The following NAV1 variants were observed in gnomAD, a reference collection of about 807,000 sequenced individuals.
NAV1 encodes the protein pore membrane and/or filament interacting like protein 3.
A neutral mutation model predicts 175.2 loss-of-function variants in NAV1; 18 were observed. The observed-to-expected ratio is 0.10, with a 90% CI of 0.07 to 0.15. The LOEUF (loss-of-function observed/expected upper bound fraction) is 0.15. Ranked by LOEUF, NAV1 falls within the 10% of genes least tolerant of loss-of-function variation. NAV1 has a pLI of 1.00. For synonymous variants in NAV1, 897 were observed against 978.7 expected (o/e 0.92, Z 1.56); for missense variants, 1,731 against 2,436.6 (o/e 0.71, Z 6.10).
chr1:201,564,920 C>A (rs1490478624), intron 1 of NAV1, among the ~76,000 whole-genome samples: 3 of 152,226 alleles, frequency 2.0e-5, no homozygotes, highest in Non-Finnish European at 4.4e-5. Flanking sequence ...ATGCTGCCAT[C>A]TCGCTGCTTC....
exon 30 of NAV1, chr1:201,826,225 A>AC: frequency 6.6e-6 from 1 of 151,878 alleles, no homozygotes; most frequent in South Asian, 2.1e-4. Flanking sequence ...CACTAAGATC[A>AC]CCTCCTCAGT....
rs1007117113 is a variant in NAV1 at position 201,750,425 on chromosome 1, C to T, written c.1227-29996C>T. Among the ~76,000 whole-genome samples the T allele has an allele frequency of 6.6e-6, 1 of 152,038 alleles. No individual in the cohort carries two copies. Among genetic ancestry groups the T allele is most frequent in the African/African-American group, 2.4e-5 (1 of 41,384 alleles). ...GCAGGTGGACTTGGTGACTCTGCCTCCCTTTCAAACAGAGCAGCCCTGTGT... is the reference window on the plus strand; with the variant it reads ...GCAGGTGGACTTGGTGACTCTGCCTTCCTTTCAAACAGAGCAGCCCTGTGT... On this transcript the variant is annotated intron_variant, in intron 3 of 29. Transcript: ENST00000367296. The surrounding 1 kb of genome is among the most constrained non-coding windows in gnomAD (Gnocchi z 4.1).
At chr1:201,739,878 G>A (rs553801653) in intron 3 of NAV1, 3 of 1,286,542 alleles carry the variant, frequency 2.3e-6, no homozygotes, top group African/African-American at 1.5e-5. Context: ...GGAGAAAAGG[G>A]AGCGGAGGGC....
intron 8 of NAV1, among the ~76,000 whole-genome samples, chr1:201,785,717 G>C (rs927472638): frequency 2.0e-5 from 3 of 151,858 alleles, no homozygotes; most frequent in Non-Finnish European, 4.4e-5. Context: ...GCTGGGCTAG[G>C]GGCAGGACCT....
chr1:201,666,246 C>T (rs1669818897), intron 1 of NAV1, among the ~76,000 whole-genome samples: 1 of 152,086 alleles, frequency 6.6e-6, no homozygotes, highest in Non-Finnish European at 1.5e-5. Context: ...CTTCTTGGCT[C>T]CCATATGTTC....
intron 3 of NAV1, among the ~76,000 whole-genome samples, chr1:201,732,941 C>T (rs145296464): frequency 0.011 from 1,639 of 151,964 alleles, 49 homozygotes; most frequent in East Asian, 0.11. Flanking sequence ...CATGGTGGCG[C>T]GTGCCTGTAA....
intron 1 of NAV1, among the ~76,000 whole-genome samples, chr1:201,703,378 A>C (rs1159468598): frequency 6.6e-6 from 1 of 152,200 alleles, no homozygotes; most frequent in Admixed American, 6.5e-5. Flanking sequence ...AGAAGACAGA[A>C]TATGTTCGAG....
chr1:201,793,741 C>T (rs771956603), intron 13 of NAV1, 51 bp from the exon 18 acceptor site: 15 of 1,535,990 alleles, frequency 9.8e-6, no homozygotes, highest in Middle Eastern at 3.4e-4. Flanking sequence ...CAGTTATTGC[C>T]TTTCCCCCAG....
At chr1:201,754,086 T>A (rs1167006573) in intron 3 of NAV1, among the ~76,000 whole-genome samples, 5 of 152,152 alleles carry the variant, frequency 3.3e-5, no homozygotes, top group Admixed American at 2.0e-4. Context: ...GACCCTAAGA[T>A]TCTCTAATCA....
At chr1:201,560,275 G>A (rs995944055) in intron 1 of NAV1, among the ~76,000 whole-genome samples, 29 of 152,178 alleles carry the variant, frequency 1.9e-4, no homozygotes, top group African/African-American at 6.8e-4. Context: ...GTATGGGACA[G>A]GCTAGAATGC....
At chr1:201,800,815 A>ATTTTT (rs1677809176) in intron 15 of NAV1, among the ~76,000 whole-genome samples, 1 of 85,826 alleles carries the variant, frequency 1.2e-5, no homozygotes, top group African/African-American at 3.7e-5. Context: ...AACTTGGTGT[A>ATTTTT]TCTTTTTTTT....
rs940826967 is a variant in NAV1 at position 201,810,798 on chromosome 1, C to T, written c.4797+40C>T. The stretch of plus-strand genomic sequence containing the variant: ...ACACCCCTGCCAGCCTTTGTTCATG[C>T]CTCAGCCTTCCCTAAGACCCTTCCT... On this transcript the variant is annotated intron_variant, in intron 24 of 29. Coordinates refer to ENST00000367296, the Ensembl canonical transcript of NAV1. The surrounding 1 kb of genome is among the most constrained non-coding windows in gnomAD (Gnocchi z 6.0). The T allele has an allele frequency of 2.0e-6, 3 of 1,515,330 alleles. No individual in the cohort carries two copies. In the African/African-American group the frequency reaches 4.1e-5, roughly 21 times the overall value. 93.9% of individuals were successfully genotyped at this position (1,515,330 alleles called of 1,614,324 possible).
chr1:201,822,800 C>T (rs753094483), exon 30 of NAV1: 4 of 152,634 alleles, frequency 2.6e-5, no homozygotes, highest in Non-Finnish European at 5.9e-5. Flanking sequence ...CTGGGCCCCT[C>T]ACTGTGGGGA....
intron 1 of NAV1, among the ~76,000 whole-genome samples, chr1:201,702,253 T>C (rs898110502): frequency 2.0e-5 from 3 of 152,260 alleles, no homozygotes; most frequent in African/African-American, 7.2e-5. Context: ...TGACTGCTAA[T>C]GGCCACAGGG....
intron 8 of NAV1, 75 bp downstream of exon 12, chr1:201,785,426 T>TC: frequency 6.9e-7 from 1 of 1,454,714 alleles, no homozygotes; most frequent in South Asian, 1.2e-5. Context: ...TCTCAACCTG[T>TC]CCAAGGCTCC....
chr1:201,721,590 T>C (rs1340270815), intron 3 of NAV1, among the ~76,000 whole-genome samples: 1 of 152,228 alleles, frequency 6.6e-6, no homozygotes, highest in Non-Finnish European at 1.5e-5. Context: ...ATGTCCTATT[T>C]CTTAAAAAAC....
At chr1:201,599,719 G>T (rs933025880) in intron 2 of NAV1, among the ~76,000 whole-genome samples, 1 of 152,100 alleles carries the variant, frequency 6.6e-6, no homozygotes, top group African/African-American at 2.4e-5. Context: ...TCTCTTCAGC[G>T]CCACTCACGC....
intron 1 of NAV1, among the ~76,000 whole-genome samples, chr1:201,557,301 A>G (rs1304554962): frequency 2.0e-5 from 3 of 152,206 alleles, no homozygotes; most frequent in Non-Finnish European, 4.4e-5. Context: ...GAGATTCTGG[A>G]AGAAAGACAA....
intron 1 of NAV1, among the ~76,000 whole-genome samples, chr1:201,576,260 A>G (rs546014044): frequency 6.6e-6 from 1 of 152,378 alleles, no homozygotes; most frequent in South Asian, 2.1e-4. Context: ...GGAATCATAG[A>G]GCATATTCCT....
Sources: allele counts gnomAD v4.1 joint callset (sites outside exome capture counted in the v4.1 genomes callset), GRCh38; gene constraint gnomAD v4.1.1; non-coding constraint Gnocchi (gnomAD v3.1); transcripts MANE v1.5; gene names NCBI Gene and HGNC (gene_info 2026-07-23, HGNC 2026-07-21).